Variants in ETV5 observed in about 807,000 individuals in gnomAD.
The protein encoded by ETV5 is ETS variant transcription factor 5.
In ETV5, 10 loss-of-function variants were observed where a neutral mutation model predicts 70.0. The observed-to-expected ratio is 0.14, with a 90% CI of 0.09 to 0.24. The LOEUF (loss-of-function observed/expected upper bound fraction) is 0.24, where lower values mean the gene tolerates loss of function less well. Ranked by LOEUF, ETV5 falls within the 10% of genes least tolerant of loss-of-function variation. The pLI, the probability that ETV5 is intolerant of heterozygous loss-of-function variation, is 1.00. For missense variants in ETV5, 453 were observed against 651.2 expected (o/e 0.70, Z 3.31); for synonymous variants, 216 against 242.2 (o/e 0.89, Z 1.01).
At chr3:186,067,125 T>C (rs897478345) in intron 7 of ETV5, among the ~76,000 whole-genome samples, 1 of 151,498 alleles carries the variant, frequency 6.6e-6, no homozygotes, top group Non-Finnish European at 1.5e-5. Flanking sequence ...CAAAACCCCA[T>C]CTCTACTAAA....
intron 5 of ETV5, among the ~76,000 whole-genome samples, chr3:186,091,557 TG>T: frequency 6.6e-6 from 1 of 152,278 alleles, no homozygotes; most frequent in African/African-American, 2.4e-5. Context: ...AGCTAGTTCC[TG>T]GAACACTTGG....
At chr3:186,104,157 C>A (rs1041284114) in intron 5 of ETV5, among the ~76,000 whole-genome samples, 1 of 152,190 alleles carries the variant, frequency 6.6e-6, no homozygotes, top group Non-Finnish European at 1.5e-5. Context: ...TTTCTCCAGG[C>A]CTCTCTTAAA....
At chr3:186,048,900 A>T in intron 12 of ETV5, 40 bp from the exon 13 acceptor site, 1 of 1,531,418 alleles carries the variant, frequency 6.5e-7, no homozygotes, top group Non-Finnish European at 9.0e-7. Flanking sequence ...CAGTTGGAAC[A>T]GGGCATGGGA....
intron 5 of ETV5, chr3:186,084,343 A>G (rs2150150480): frequency 5.3e-6 from 2 of 378,850 alleles, no homozygotes; most frequent in South Asian, 4.0e-5. Context: ...CTGCAATTAG[A>G]AACTTTGAGT....
At chr3:186,060,839 T>C (rs1470443949) in intron 9 of ETV5, among the ~76,000 whole-genome samples, 1 of 152,218 alleles carries the variant, frequency 6.6e-6, no homozygotes, top group African/African-American at 2.4e-5. Context: ...GAGCATGCTC[T>C]TTCCTAAATG....
chr3:186,093,703 T>G (rs1714239948), intron 5 of ETV5, among the ~76,000 whole-genome samples: 1 of 152,054 alleles, frequency 6.6e-6, no homozygotes, highest in Non-Finnish European at 1.5e-5. Flanking sequence ...CACTCCAAAC[T>G]CCGGGGGGAG....
At chr3:186,099,616 A>G (rs1714401843) in intron 5 of ETV5, among the ~76,000 whole-genome samples, 1 of 152,014 alleles carries the variant, frequency 6.6e-6, no homozygotes, top group Non-Finnish European at 1.5e-5. Context: ...CACACACCCC[A>G]CCCCACCACC....
At chr3:186,088,341 T>C (rs955106389) in intron 5 of ETV5, among the ~76,000 whole-genome samples, 4 of 152,190 alleles carry the variant, frequency 2.6e-5, no homozygotes, top group African/African-American at 7.2e-5. Flanking sequence ...GAGCCTCCCA[T>C]TACACTTGAA....
rs547126603 is a variant in ETV5 at position 186,086,880 on chromosome 3, C to T, written c.233-5705G>A. On this transcript the variant is annotated intron_variant, in intron 5 of 12. Transcript: ENST00000306376. ...CAGCTATGAGGTAGGGTGAGGTGGGCGGGTCACTTGAGCCCGGGAGGCTGA... is the reference window on the plus strand; with the variant it reads ...CAGCTATGAGGTAGGGTGAGGTGGGTGGGTCACTTGAGCCCGGGAGGCTGA... 4.0e-5 allele frequency among the ~76,000 whole-genome samples: 6 copies of T among 149,002 alleles called. No individual in the cohort carries two copies. The South Asian group carries it at 6.5e-4, about 16-fold the overall frequency.
At chr3:186,071,143 G>C (rs1713622568) in intron 7 of ETV5, among the ~76,000 whole-genome samples, 1 of 151,898 alleles carries the variant, frequency 6.6e-6, no homozygotes, top group Non-Finnish European at 1.5e-5. Context: ...TGCTTTTTCT[G>C]CATTTCCTTT....
At chr3:186,077,961 T>G in intron 7 of ETV5, 1 of 1,056,020 alleles carries the variant, frequency 9.5e-7, no homozygotes, top group Non-Finnish European at 1.1e-6. Flanking sequence ...ACAGGCAGAC[T>G]TCAAGGAGGA....
chr3:186,077,679 G>C (rs2150148535), intron 7 of ETV5, among the ~76,000 whole-genome samples: 1 of 152,310 alleles, frequency 6.6e-6, no homozygotes, highest in African/African-American at 2.4e-5. Flanking sequence ...CTCTATCTCT[G>C]AATGTTAACA....
chr3:186,087,352 C>T (rs1029294721), intron 5 of ETV5, among the ~76,000 whole-genome samples: 1 of 152,148 alleles, frequency 6.6e-6, no homozygotes, highest in Non-Finnish European at 1.5e-5. Flanking sequence ...CGGGGTGGTG[C>T]CTGTTAAGGG....
At chr3:186,082,431 T>C (rs1225735070) in intron 5 of ETV5, among the ~76,000 whole-genome samples, 1 of 150,044 alleles carries the variant, frequency 6.7e-6, no homozygotes, top group Non-Finnish European at 1.5e-5. Flanking sequence ...CTTTTCTCTT[T>C]TTTTTTTTTT....
chr3:186,050,880 C>T (rs1294650745), intron 12 of ETV5, among the ~76,000 whole-genome samples: 3 of 152,158 alleles, frequency 2.0e-5, no homozygotes, highest in Non-Finnish European at 4.4e-5. Flanking sequence ...TGGCCAGGTA[C>T]TGAGAGCATT....
At chr3:186,065,688 T>TTA in intron 8 of ETV5, 125 bp downstream of exon 8, 1 of 1,183,426 alleles carries the variant, frequency 8.5e-7, no homozygotes, top group South Asian at 1.6e-5. Flanking sequence ...AGGGCAATTC[T>TTA]TATAAAAATT....
Position 186,105,750 on chromosome 3 carries a change from G to T in ETV5, c.46-38C>A. 6.2e-7 allele frequency: 1 copy of T among 1,613,088 alleles called. No homozygotes were observed. ...AACAGAAAGTGAAGGCTCAAGTGTA[G>T]TAAAGAGGTCCACAGGGGGAAGACT... On this transcript the variant is annotated intron_variant, in intron 2 of 12. Transcript: ENST00000306376. The surrounding 1 kb of genome is among the most constrained non-coding windows in gnomAD (Gnocchi z 4.5).
chr3:186,082,757 T>C (rs1477448784), intron 5 of ETV5, among the ~76,000 whole-genome samples: 6 of 152,242 alleles, frequency 3.9e-5, no homozygotes, highest in Admixed American at 3.9e-4. Flanking sequence ...CTGATAAGGC[T>C]GAACTATCTT....
At chr3:186,078,084 G>A (rs766497568) in intron 7 of ETV5, 9 of 1,052,570 alleles carry the variant, frequency 8.6e-6, no homozygotes, top group Non-Finnish European at 1.0e-5. Flanking sequence ...CTTCTCAGGG[G>A]GCTGGGTGGA....
Sources: allele counts gnomAD v4.1 joint callset (sites outside exome capture counted in the v4.1 genomes callset), GRCh38; gene constraint gnomAD v4.1.1; non-coding constraint Gnocchi (gnomAD v3.1); transcripts MANE v1.5; gene names NCBI Gene and HGNC (gene_info 2026-07-23, HGNC 2026-07-21).